RBFOX1: variants seen among roughly 807,000 people sequenced by gnomAD.
The protein encoded by RBFOX1 is RNA binding fox-1 homolog 1.
In RBFOX1, 8 loss-of-function variants were observed where a neutral mutation model predicts 57.7. That is an observed-to-expected ratio of 0.14 (90% CI 0.08 to 0.25). The LOEUF (loss-of-function observed/expected upper bound fraction) is 0.25, where lower values mean the gene tolerates loss of function less well. RBFOX1 is among the 10% of genes least tolerant of loss of function. The pLI, the probability that RBFOX1 is intolerant of heterozygous loss-of-function variation, is 1.00. For missense variants in RBFOX1, 611 were observed against 548.5 expected (o/e 1.11, Z -1.14); for synonymous variants, 326 against 222.4 (o/e 1.47, Z -4.15).
At chr16:5,823,063 C>A (rs1427677754) in intron 3 of RBFOX1, among the ~76,000 whole-genome samples, 6 of 152,118 alleles carry the variant, frequency 3.9e-5, no homozygotes, top group Non-Finnish European at 8.8e-5. Context: ...CTATTGGGAG[C>A]CACTGCTGTA....
chr16:6,819,318 A>G (rs1357709928), intron 3 of RBFOX1, among the ~76,000 whole-genome samples: 2 of 152,162 alleles, frequency 1.3e-5, no homozygotes, highest in East Asian at 3.9e-4. Context: ...TTAGGTTTGA[A>G]TTATTGCTTA....
intron 4 of RBFOX1, among the ~76,000 whole-genome samples, chr16:7,352,502 T>C (rs74879343): frequency 8.5e-5 from 13 of 152,278 alleles, no homozygotes; most frequent in Non-Finnish European, 1.6e-4. Flanking sequence ...ACTAAACGCT[T>C]ACTCCGGGCT....
At chr16:6,999,431 T>C (rs925365980) in intron 3 of RBFOX1, among the ~76,000 whole-genome samples, 3 of 151,230 alleles carry the variant, frequency 2.0e-5, no homozygotes, top group Non-Finnish European at 4.4e-5. Flanking sequence ...TTCTGATTTT[T>C]TTTAATTTTT....
intron 14 of RBFOX1, among the ~76,000 whole-genome samples, chr16:7,706,053 G>A (rs758815211): frequency 1.8e-4 from 28 of 152,104 alleles, no homozygotes; most frequent in Admixed American, 3.9e-4. Flanking sequence ...CTCTGTCTCC[G>A]GGCTGTGCTT....
At chr16:5,975,233 T>C (rs1229570863) in intron 4 of RBFOX1, among the ~76,000 whole-genome samples, 1 of 152,142 alleles carries the variant, frequency 6.6e-6, no homozygotes, top group Non-Finnish European at 1.5e-5. Context: ...GATAAATCGA[T>C]CTCTACTTTC....
intron 4 of RBFOX1, among the ~76,000 whole-genome samples, chr16:7,181,544 C>G (rs1257950018): frequency 1.4e-5 from 2 of 143,248 alleles, no homozygotes; most frequent in Admixed American, 1.3e-4. Context: ...CTCTCTCTCT[C>G]TTTCTCTCAT....
intron 12 of RBFOX1, among the ~76,000 whole-genome samples, chr16:7,655,948 T>C (rs2066202719): frequency 6.6e-6 from 1 of 152,244 alleles, no homozygotes; most frequent in South Asian, 2.1e-4. Context: ...CATAACTAAT[T>C]AATGCCATGT....
At chr16:6,814,732 C>T (rs1458118447) in intron 3 of RBFOX1, among the ~76,000 whole-genome samples, 1 of 152,060 alleles carries the variant, frequency 6.6e-6, no homozygotes, top group Non-Finnish European at 1.5e-5. Flanking sequence ...GTGAAAAGTC[C>T]TTCAGTCTGG....
intron 2 of RBFOX1, among the ~76,000 whole-genome samples, chr16:6,626,011 T>C (rs1390042113): frequency 6.6e-6 from 1 of 152,162 alleles, no homozygotes; most frequent in Non-Finnish European, 1.5e-5. Context: ...TGCAATCAAA[T>C]TATAGGAATA....
intron 2 of RBFOX1, among the ~76,000 whole-genome samples, chr16:6,334,334 C>T (rs1355792542): frequency 1.3e-5 from 2 of 151,756 alleles, no homozygotes; most frequent in East Asian, 3.9e-4. Context: ...ATGGTGAAAC[C>T]CCATCTCTAC....
chr16:6,956,692 A>G (rs2081921288), intron 3 of RBFOX1, among the ~76,000 whole-genome samples: 1 of 152,160 alleles, frequency 6.6e-6, no homozygotes, highest in African/African-American at 2.4e-5. Context: ...TATCAAAGGC[A>G]TTTGCTCTGC....
At position 6,019,703 on chromosome 16, in the gene RBFOX1, A is replaced by C; in HGVS notation, c.-416A>C. 2 of 1,345,430 alleles carry C rather than the reference A, an allele frequency of 1.5e-6. No individual in the cohort carries two copies. The highest frequency in any genetic ancestry group is 1.9e-6 in the Non-Finnish European group (2 of 1,048,344). The allele number at this position is 1,345,430 out of a possible 1,614,324, so 83.3% of individuals were successfully genotyped here. A position where few individuals can be genotyped will look rare whatever the true frequency, so the allele number is the denominator to read the frequency against. ...AGAACTCCGAGCTTCTTGCCCAGGC[A>C]GAGAGAGCAGGAGCGGACCGCGCGC... On this transcript the variant is annotated 5_prime_UTR_variant, in exon 1 of 16. Coordinates refer to ENST00000550418, the MANE Select transcript of RBFOX1 (RefSeq NM_018723.4). This position sits in a 1 kb window ranked among gnomAD's most constrained non-coding sequence, Gnocchi z 4.2.
intron 1 of RBFOX1, among the ~76,000 whole-genome samples, chr16:6,127,021 G>A (rs550534891): frequency 1.3e-5 from 2 of 152,256 alleles, no homozygotes; most frequent in South Asian, 4.1e-4. Context: ...AAAAGACGGT[G>A]TTTCCACTAA....
chr16:6,971,772 T>G (rs922904640), intron 3 of RBFOX1, among the ~76,000 whole-genome samples: 3 of 152,006 alleles, frequency 2.0e-5, no homozygotes, highest in Admixed American at 2.0e-4. Context: ...AAGTGGAGTG[T>G]CCACAGTCCT....
At chr16:5,611,133 A>G in intron 3 of RBFOX1, 1 of 152,266 alleles carries the variant, frequency 6.6e-6, no homozygotes, top group East Asian at 1.9e-4. Flanking sequence ...TCTGTTGGCA[A>G]CATCTCCATC....
In RBFOX1 at chr16:6,734,557, A is replaced by G. The variant is rs377077841; in HGVS notation, c.-16+79907A>G. On this transcript the variant is annotated intron_variant, in intron 3 of 15. Coordinates refer to ENST00000550418, the MANE Select transcript of RBFOX1 (RefSeq NM_018723.4). ...GTACAAATGGCCCAACTAGGAGTTC[A>G]GTCCATGTAATTAAGACTGTGCTCT... Among the ~76,000 whole-genome samples, 23 of 138,652 alleles carry G rather than the reference A, an allele frequency of 1.7e-4. No individual in the cohort carries two copies. In the South Asian group the frequency reaches 5.9e-3, roughly 35 times the overall value. 91.0% of individuals were successfully genotyped at this position (138,652 alleles called of 152,430 possible).
At chr16:5,922,569 G>C (rs910881289) in intron 4 of RBFOX1, among the ~76,000 whole-genome samples, 1 of 152,168 alleles carries the variant, frequency 6.6e-6, no homozygotes, top group Admixed American at 6.5e-5. Context: ...CAGAACCCAG[G>C]TGAAGTGTCC....
intron 4 of RBFOX1, among the ~76,000 whole-genome samples, chr16:5,944,049 C>A (rs1055549572): frequency 7.2e-6 from 1 of 139,386 alleles, no homozygotes; most frequent in Admixed American, 6.8e-5. Context: ...TATCATCAAT[C>A]CATCCATCCA....
intron 5 of RBFOX1, among the ~76,000 whole-genome samples, chr16:7,567,730 A>C (rs1457844146): frequency 2.9e-5 from 1 of 34,746 alleles, no homozygotes; most frequent in Admixed American, 2.4e-4. Flanking sequence ...ATATCCCTAT[A>C]TATAATCCCT....
Sources: gnomAD v4.1 joint callset for allele counts (sites outside exome capture counted in the v4.1 genomes callset) on GRCh38, gnomAD v4.1.1 for gene constraint, Gnocchi (gnomAD v3.1) non-coding constraint, MANE v1.5 for transcripts, NCBI Gene and HGNC (gene_info 2026-07-23, HGNC 2026-07-21) for gene names.